Variants in RPS6KA5 observed in about 807,000 individuals in gnomAD.
RPS6KA5 encodes the protein ribosomal protein S6 kinase alpha-5.
RPS6KA5 carries 27 observed loss-of-function variants against 85.5 expected under a neutral mutation model. The ratio of observed to expected loss-of-function variants is 0.32; its 90% CI spans 0.23 to 0.44. The LOEUF is 0.44. RPS6KA5 is among the 20% of genes least tolerant of loss of function. The pLI, the probability that RPS6KA5 is intolerant of heterozygous loss-of-function variation, is 1.00. For synonymous variants in RPS6KA5, 334 were observed against 348.2 expected (o/e 0.96, Z 0.46); for missense variants, 811 against 980.9 (o/e 0.83, Z 2.31).
Position 90,875,223 on chromosome 14 carries a change from T to C in RPS6KA5, c.1974A>G (p.Gln658=), listed in dbSNP as rs754672721. 13 of 1,613,618 alleles carry C rather than the reference T, an allele frequency of 8.1e-6. No individual in the cohort carries two copies. The highest frequency in any genetic ancestry group is 9.3e-6 in the Non-Finnish European group (11 of 1,179,786). Residue 658 remains glutamine (Q), a synonymous_variant, in exon 15 of 17, where the codon CAA becomes CAG. Coordinates refer to ENST00000614987, the MANE Select transcript of RPS6KA5 (RefSeq NM_004755.4). Reference sequence around the variant, plus strand: ...TACCTTGGATCAAATCTTTAGCCTCTTGGGATACATTCTTCCAGGCTTCTC... The same window carrying C: ...TACCTTGGATCAAATCTTTAGCCTCCTGGGATACATTCTTCCAGGCTTCTC... The part of the protein sequence containing the change: ...FEGEAWKNVS[Q]EAKDLIQGLL...
chr14:90,851,594 T>A lies in RPS6KA5; in HGVS notation c.*20480A>T, dbSNP rs1179659578. ...CTAAGCTGGAAATAAAGTACCAAAC[T>A]GCCTTTTCCACAAAATCCTCAGTAA... On this transcript the variant is annotated 3_prime_UTR_variant, in exon 17 of 17. Transcript: ENST00000614987. The A allele has an allele frequency of 6.6e-6, 1 of 152,152 alleles. No individual in the cohort carries two copies. The highest frequency in any genetic ancestry group is 1.5e-5 in the Non-Finnish European group (1 of 68,038). The allele number at this position is 152,152 out of a possible 1,614,324, so 9.4% of individuals were successfully genotyped here.
chr14:91,020,939 A>C (rs2041747740), intron 1 of RPS6KA5, among the ~76,000 whole-genome samples: 1 of 152,114 alleles, frequency 6.6e-6, no homozygotes. Flanking sequence ...TTCAATACTT[A>C]GGTGATGTGT....
In RPS6KA5 at chr14:90,864,880, G is replaced by C. The variant is rs555523735; in HGVS notation, c.*7194C>G. On this transcript the variant is annotated 3_prime_UTR_variant, in exon 17 of 17. Coordinates refer to ENST00000614987, the MANE Select transcript of RPS6KA5 (RefSeq NM_004755.4). Reference sequence around the variant, plus strand: ...CAATCAAATATACACATTTGTCAGAGTGGCTAAACTACTAGGGCTGATGGT... The same window carrying C: ...CAATCAAATATACACATTTGTCAGACTGGCTAAACTACTAGGGCTGATGGT... The C allele has an allele frequency of 6.6e-6, 1 of 152,344 alleles. No homozygotes were observed. Among genetic ancestry groups the C allele is most frequent in the Admixed American group, 6.5e-5 (1 of 15,302 alleles). 9.4% of individuals were successfully genotyped at this position (152,344 alleles called of 1,614,324 possible). A position where few individuals can be genotyped will look rare whatever the true frequency, so the allele number is the denominator to read the frequency against.
chr14:90,900,647 A>C lies in RPS6KA5; in HGVS notation c.1209T>G (p.Pro403=). 1 of 1,614,042 alleles carries C rather than the reference A, an allele frequency of 6.2e-7. No individual in the cohort carries two copies. Among genetic ancestry groups the C allele is most frequent in the Non-Finnish European group, 8.5e-7 (1 of 1,179,946 alleles). The change falls in exon 10 of 17, where the codon CCT becomes CCG. Residue 403 remains proline (P), a synonymous_variant. Coordinates refer to ENST00000614987, the MANE Select transcript of RPS6KA5 (RefSeq NM_004755.4). Reference sequence around the variant, plus strand: ...CACTCCTGGCAACATTTGTCACTCCAGGACGTTCAACTCCCATGTGAAACT... The same window carrying C: ...CACTCCTGGCAACATTTGTCACTCCCGGACGTTCAACTCCCATGTGAAACT... ...PLQFHMGVER[P]GVTNVARSAM...
chr14:90,933,609 C>T (rs1424865841), intron 5 of RPS6KA5, among the ~76,000 whole-genome samples: 1 of 152,152 alleles, frequency 6.6e-6, no homozygotes. Flanking sequence ...ACACTTGTCC[C>T]ACTACAGGAT....
chr14:91,015,356 T>C (rs1031125470), intron 1 of RPS6KA5, among the ~76,000 whole-genome samples: 4 of 152,144 alleles, frequency 2.6e-5, no homozygotes, highest in African/African-American at 9.7e-5. Context: ...CAAGCAAAAA[T>C]TTGATAACTT....
Position 90,894,487 on chromosome 14 carries a change from T to C in RPS6KA5, c.1570A>G (p.Ile524Val). The C allele has an allele frequency of 6.2e-7, 1 of 1,614,164 alleles. No individual in the cohort carries two copies. Among genetic ancestry groups the C allele is most frequent in the Non-Finnish European group, 8.5e-7 (1 of 1,180,020 alleles). The stretch of plus-strand genomic sequence containing the variant: ...ACAGCTGAAACAAGCTTCCTCATGA[T>C]GTAGCTGGCTTCCGTCTCACTGAAG... Reference protein sequence around the residue: ...KHFSETEASYIMRKLVSAVSH... With the variant: ...KHFSETEASYVMRKLVSAVSH... Residue 524 changes from isoleucine to valine, a missense_variant, in exon 13 of 17, where the codon ATC becomes GTC. Ile to Val is a conservative substitution (Grantham distance 29). Around this residue, in one of 3 missense-constraint regions of RPS6KA5, gnomAD observed 650 missense variants for 793.4 expected, o/e 0.82. Coordinates refer to ENST00000614987, the MANE Select transcript of RPS6KA5 (RefSeq NM_004755.4).
chr14:90,981,871 C>T (rs1423030135), intron 2 of RPS6KA5, among the ~76,000 whole-genome samples: 2 of 152,234 alleles, frequency 1.3e-5, no homozygotes, highest in African/African-American at 4.8e-5. Flanking sequence ...GTAACTAAAA[C>T]ATAGTTGCCT....
At chr14:90,925,765 T>C (rs1292041990) in intron 5 of RPS6KA5, among the ~76,000 whole-genome samples, 2 of 147,774 alleles carry the variant, frequency 1.4e-5, no homozygotes, top group Non-Finnish European at 3.0e-5. Context: ...ACCCTGTCTC[T>C]ACAAAAAAAT....
At chr14:91,046,517 T>G (rs371155869) in intron 1 of RPS6KA5, among the ~76,000 whole-genome samples, 29 of 152,296 alleles carry the variant, frequency 1.9e-4, no homozygotes, top group Middle Eastern at 6.8e-3. Context: ...AGCATCATAT[T>G]TAGATAGAAA....
intron 3 of RPS6KA5, among the ~76,000 whole-genome samples, chr14:90,968,633 T>C (rs753845919): frequency 1.2e-4 from 18 of 152,166 alleles, no homozygotes; most frequent in South Asian, 2.1e-4. Context: ...TCAGTCCTCA[T>C]ATTACTTAAC....
intron 1 of RPS6KA5, among the ~76,000 whole-genome samples, chr14:91,025,333 C>T (rs911243981): frequency 6.6e-6 from 1 of 152,234 alleles, no homozygotes; most frequent in Admixed American, 6.5e-5. Flanking sequence ...CGTGAGCCAC[C>T]ACGCCCAGTC....
chr14:91,031,184 C>G (rs959676853), intron 1 of RPS6KA5, among the ~76,000 whole-genome samples: 4 of 152,166 alleles, frequency 2.6e-5, no homozygotes, highest in Admixed American at 1.3e-4. Context: ...AACTTCTCAT[C>G]AGCATCATTA....
rs2031912550 is a variant in RPS6KA5 at position 90,850,015 on chromosome 14, A to G, written c.*22059T>C. The G allele has an allele frequency of 6.6e-6, 1 of 152,246 alleles. No homozygotes were observed. The highest frequency in any genetic ancestry group is 2.4e-5 in the African/African-American group (1 of 41,458). 9.4% of individuals were successfully genotyped at this position (152,246 alleles called of 1,614,324 possible). A position where few individuals can be genotyped will look rare whatever the true frequency, so the allele number is the denominator to read the frequency against. On this transcript the variant is annotated 3_prime_UTR_variant, in exon 17 of 17. Transcript: ENST00000614987. Reference sequence around the variant, plus strand: ...TGGGCAACACTGTGAGACCCCACCTATATTTAAAACAAAGGAATCCCCAGT... The same window carrying G: ...TGGGCAACACTGTGAGACCCCACCTGTATTTAAAACAAAGGAATCCCCAGT...
chr14:91,039,793 T>C (rs12590018), intron 1 of RPS6KA5, among the ~76,000 whole-genome samples: 23,012 of 151,954 alleles, frequency 0.15, 1,953 homozygotes, highest in East Asian at 0.31. Context: ...AAGGATGAGG[T>C]TGCGCACCAC....
intron 1 of RPS6KA5, among the ~76,000 whole-genome samples, chr14:91,023,164 A>G (rs775950984): frequency 6.6e-6 from 1 of 151,724 alleles, no homozygotes; most frequent in Non-Finnish European, 1.5e-5. Context: ...AGCTCTACAA[A>G]TAAGTATATT....
At chr14:90,930,037 A>T (rs1197058113) in intron 5 of RPS6KA5, among the ~76,000 whole-genome samples, 37 of 152,104 alleles carry the variant, frequency 2.4e-4, no homozygotes, top group Non-Finnish European at 2.9e-5. Flanking sequence ...CACTCAACTA[A>T]TTTTTTAAAT....
chr14:90,876,508 G>A (rs531752731), intron 14 of RPS6KA5, among the ~76,000 whole-genome samples: 2 of 152,286 alleles, frequency 1.3e-5, no homozygotes, highest in East Asian at 3.9e-4. Flanking sequence ...TAACAAACAA[G>A]CCAAGGCTTA....
intron 3 of RPS6KA5, among the ~76,000 whole-genome samples, chr14:90,960,373 G>A (rs2038737882): frequency 6.6e-6 from 1 of 152,136 alleles, no homozygotes; most frequent in African/African-American, 2.4e-5. Context: ...CGTTAAATTT[G>A]AGTTGAATTT....
Sources: gnomAD v4.1 joint callset for allele counts (sites outside exome capture counted in the v4.1 genomes callset) on GRCh38, gnomAD v4.1.1 for gene constraint, gnomAD v4.1.1 regional missense constraint, MANE v1.5 for transcripts, NCBI Gene and HGNC (gene_info 2026-07-23, HGNC 2026-07-21) for gene names.